The following PLAT variants were observed in gnomAD, a reference collection of about 807,000 sequenced individuals.
PLAT encodes plasminogen activator, tissue type.
A neutral mutation model predicts 74.9 loss-of-function variants in PLAT; 48 were observed. The ratio of observed to expected loss-of-function variants is 0.64; its 90% CI spans 0.51 to 0.82. PLAT has a LOEUF of 0.82. PLAT is among the 40% of genes least tolerant of loss of function. The pLI is 0.00. For missense variants in PLAT, 673 were observed against 736.2 expected (o/e 0.91, Z 0.99); for synonymous variants, 307 against 294.4 (o/e 1.04, Z -0.44).
intron 1 of PLAT, among the ~76,000 whole-genome samples, chr8:42,194,241 A>AGAGAGAGTGTGTGTGT (rs1419569830): frequency 9.5e-5 from 5 of 52,578 alleles, no homozygotes; most frequent in African/African-American, 3.4e-4. Flanking sequence ...AGAGAGAGAG[A>AGAGAGAGTGTGTGTGT]GTGTGTGTGT....
intron 12 of PLAT, among the ~76,000 whole-genome samples, chr8:42,179,681 C>A (rs1805131760): frequency 6.6e-6 from 1 of 152,216 alleles, no homozygotes; most frequent in African/African-American, 2.4e-5. Context: ...ACTTCCTACT[C>A]AGAACCTTCC....
chr8:42,188,404 A>T (rs1805565439), intron 4 of PLAT: 2 of 174,366 alleles, frequency 1.1e-5, no homozygotes, highest in Admixed American at 6.0e-5. Context: ...TTTATAGATG[A>T]GGAAACTGAG....
intron 3 of PLAT, among the ~76,000 whole-genome samples, chr8:42,190,392 T>G (rs547704270): frequency 6.6e-6 from 1 of 152,346 alleles, no homozygotes; most frequent in African/African-American, 2.4e-5. Context: ...TCTCCAAGTA[T>G]TTTTGGCATA....
At position 42,187,532 on chromosome 8, in the gene PLAT, G is replaced by GTAGC. The variant is rs1338649781; in HGVS notation, c.401_404dup (p.Tyr135Ter). On this transcript the variant is annotated stop_gained and frameshift_variant, in exon 6 of 14. Transcript: ENST00000220809. LOFTEE classifies it high-confidence loss of function. ...TCTCCGCTGTGCTCCACGTGCCCCT[G>GTAGC]TAGCTGATGCCCTGGTCCTCGTAGC... is the stretch of plus-strand genomic sequence containing the variant. 1.2e-6 allele frequency: 2 copies of GTAGC among 1,610,092 alleles called. No homozygotes were observed.
Position 42,182,750 on chromosome 8 carries a change from C to T in PLAT, c.772G>A (p.Ala258Thr). 1 of 1,611,874 alleles carries T rather than the reference C, an allele frequency of 6.2e-7. No homozygotes were observed. The highest frequency in any genetic ancestry group is 8.5e-7 in the Non-Finnish European group (1 of 1,179,228). The change falls in exon 8 of 14, where the codon GCA becomes ACA. Residue 258 changes from alanine (A) to threonine (T), a missense_variant. Transcript: ENST00000220809. ...VYTAQNPSAQALGLGKHNYCR... is the reference protein window; with the variant it reads ...VYTAQNPSAQTLGLGKHNYCR... ...TAATTATGTTTGCCCAGGCCCAGTGCCTGGGCACTGGGGTTCTGTGCTGTG... is the reference window on the plus strand; with the variant it reads ...TAATTATGTTTGCCCAGGCCCAGTGTCTGGGCACTGGGGTTCTGTGCTGTG...
chr8:42,193,153 C>G lies in PLAT; in HGVS notation c.33G>C (p.Val11=). 1.9e-6 allele frequency: 3 copies of G among 1,613,844 alleles called. No homozygotes were observed. In the South Asian group the frequency reaches 3.3e-5, roughly 18 times the overall value. MDAMKRGLCC[V]LLLCGAVFVS... is the part of the protein sequence containing the mutation. ...CGAAGACTGCTCCACACAGCAGCAG[C>G]ACACAGCAGAGCCCTCTCTTCATTG... Residue 11 remains valine (V), a synonymous_variant, in exon 2 of 14, where the codon GTG becomes GTC. Transcript: ENST00000220809.
At position 42,196,159 on chromosome 8, in the gene PLAT, G is replaced by T. The variant is rs115165364; in HGVS notation, c.-26-2948C>A. 3.6e-3 allele frequency among the ~76,000 whole-genome samples: 542 copies of T among 152,278 alleles called. 7 individuals are homozygous for T. Among genetic ancestry groups the T allele is most frequent in the African/African-American group, 0.013 (523 of 41,546 alleles). Reference sequence around the variant, plus strand: ...CCTTTCTGGATAACTAGGGGTGGGGGGACCAGATGGAGGAGAAGCACGACC... The same window carrying T: ...CCTTTCTGGATAACTAGGGGTGGGGTGACCAGATGGAGGAGAAGCACGACC... On this transcript the variant is annotated intron_variant, in intron 1 of 13. Transcript: ENST00000220809.
Position 42,181,858 on chromosome 8 carries a change from A to G in PLAT, c.889+79T>C, listed in dbSNP as rs773522898. On this transcript the variant is annotated intron_variant, in intron 9 of 13. Coordinates refer to ENST00000220809, the MANE Select transcript of PLAT (RefSeq NM_000930.5). ...GGCACACAGTCTGCACCAGACAGCC[A>G]TGAAGGCCTAGAAAGTGGCGAGGAG... The G allele has an allele frequency of 7.3e-6, 5 of 684,272 alleles. No individual in the cohort carries two copies. In the African/African-American group the frequency reaches 9.3e-5, roughly 13 times the overall value. 42.4% of individuals were successfully genotyped at this position (684,272 alleles called of 1,614,324 possible).
intron 8 of PLAT, 28 bp from the exon 9 acceptor site, chr8:42,182,050 C>G: frequency 7.2e-7 from 1 of 1,394,156 alleles, no homozygotes; most frequent in Non-Finnish European, 1.0e-6. Context: ...TTAAGGTTTC[C>G]TTTTTATCTT....
intron 2 of PLAT, 131 bp downstream of exon 2, chr8:42,192,983 C>A: frequency 1.5e-6 from 1 of 655,230 alleles, no homozygotes. Context: ...GCAATGCCAG[C>A]CCCTCGTCCC....
At chr8:42,192,497 T>C (rs1226521422) in intron 2 of PLAT, among the ~76,000 whole-genome samples, 2 of 152,142 alleles carry the variant, frequency 1.3e-5, no homozygotes, top group African/African-American at 4.8e-5. Flanking sequence ...ATTGTGCCAT[T>C]GCACTCCAGC....
At chr8:42,181,899 G>A (rs1288654517) in intron 9 of PLAT, 38 bp downstream of exon 9, 1 of 1,197,524 alleles carries the variant, frequency 8.4e-7, no homozygotes. Flanking sequence ...GAAGAAGGGA[G>A]ACCAGGTGCA....
chr8:42,202,103 T>G (rs1170335584), intron 1 of PLAT, among the ~76,000 whole-genome samples: 6 of 152,106 alleles, frequency 3.9e-5, no homozygotes, highest in African/African-American at 1.4e-4. Flanking sequence ...CACTGCAGTT[T>G]CAACCTCCCT....
At chr8:42,188,590 C>T (rs910891082) in intron 4 of PLAT, 12 of 209,800 alleles carry the variant, frequency 5.7e-5, no homozygotes, top group Non-Finnish European at 8.6e-5. Flanking sequence ...AGTTTGAAGT[C>T]GATTTGTACT....
chr8:42,179,192 GAC>G, intron 12 of PLAT, 129 bp from the exon 13 acceptor site: 1 of 641,816 alleles, frequency 1.6e-6, no homozygotes, highest in Non-Finnish European at 2.8e-6. Flanking sequence ...CGAATCCTAT[GAC>G]ACTGCTGGTA....
intron 1 of PLAT, among the ~76,000 whole-genome samples, chr8:42,206,406 G>C (rs1806332749): frequency 1.3e-5 from 2 of 152,182 alleles, no homozygotes; most frequent in African/African-American, 4.8e-5. Context: ...ATTGAGTCTA[G>C]ATCCCAGAAT....
intron 1 of PLAT, among the ~76,000 whole-genome samples, chr8:42,198,423 C>T (rs1035536371): frequency 3.3e-4 from 50 of 152,280 alleles, no homozygotes; most frequent in African/African-American, 1.2e-3. Flanking sequence ...ACCCGGGAGG[C>T]GGAAGTTGCA....
In PLAT at chr8:42,180,244, A is replaced by G. The variant is rs771818476; in HGVS notation, c.1220T>C (p.Ile407Thr). The G allele has an allele frequency of 9.9e-6, 16 of 1,614,012 alleles. No individual in the cohort carries two copies. The highest frequency in any genetic ancestry group is 1.1e-5 in the South Asian group (1 of 91,084). ...AGCCGGGAATGACGAGCTCTTACCA[A>G]TGTCATTGTCGTAAGTGTCATCATC... is the stretch of plus-strand genomic sequence containing the variant. ...EFDDDTYDND[I>T]ALLQLKSDSS... The change falls in exon 11 of 14, where the codon ATT (isoleucine) becomes ACT (threonine). Residue 407 changes from isoleucine to threonine, a missense_variant and splice_region_variant. Transcript: ENST00000220809.
chr8:42,193,957 G>A (rs1344031530), intron 1 of PLAT, among the ~76,000 whole-genome samples: 4 of 150,842 alleles, frequency 2.7e-5, no homozygotes, highest in Non-Finnish European at 5.9e-5. Context: ...CTCGTGATCC[G>A]CTCGCCTTGG....
Sources: allele counts gnomAD v4.1 joint callset (sites outside exome capture counted in the v4.1 genomes callset), GRCh38; gene constraint gnomAD v4.1.1; transcripts MANE v1.5; gene names NCBI Gene and HGNC (gene_info 2026-07-23, HGNC 2026-07-21).